SLC12A5: variants seen among roughly 807,000 people sequenced by gnomAD.
SLC12A5 encodes the protein solute carrier family 12 member 5, also known as K-Cl cotransporter 2.
A neutral mutation model predicts 124.0 loss-of-function variants in SLC12A5; 18 were observed. The observed-to-expected ratio is 0.15, with a 90% CI of 0.10 to 0.22. The LOEUF is 0.22. Among genes scored for constraint, SLC12A5 ranks in the 10% least tolerant of loss-of-function variants. The probability of loss-of-function intolerance (pLI) is 1.00; values close to 1 mark genes in which losing one functional copy is unlikely to be tolerated. For synonymous variants in SLC12A5, 589 were observed against 568.0 expected, an observed-to-expected ratio of 1.04 and a Z score of -0.53; for missense variants, 867 against 1,478.7, an observed-to-expected ratio of 0.59 and a Z score of 6.78.
chr20:46,036,996 C>G (rs6094242), intron 5 of SLC12A5, among the ~76,000 whole-genome samples: 3 of 151,910 alleles, frequency 2.0e-5, no homozygotes, highest in Non-Finnish European at 4.4e-5. Context: ...CCAACTCATC[C>G]TGAGACCCTC....
In SLC12A5 at chr20:46,035,943, T is replaced by C. The variant is rs2084494652; in HGVS notation, c.426+20T>C. 1.3e-6 allele frequency: 2 copies of C among 1,595,258 alleles called. No individual in the cohort carries two copies. Among genetic ancestry groups the C allele is most frequent in the Non-Finnish European group, 1.7e-6 (2 of 1,166,240 alleles). On this transcript the variant is annotated intron_variant, in intron 4 of 25. Transcript: ENST00000243964. ...TCCTGTGTGAGTGACACCCCTCCCC[T>C]CACCACCCCCTGACAGCTGGGGCTT...
In SLC12A5 at chr20:46,051,943, G is replaced by A. The variant is rs774099125; in HGVS notation, c.2377+73G>A. On this transcript the variant is annotated intron_variant, in intron 18 of 25. Transcript: ENST00000243964. ...TGTAGAGGGGTGGAACTGGATTTCC[G>A]CTCCTTTGGGCCTGAGGGGTTTCCC... is the stretch of plus-strand genomic sequence containing the variant. The A allele has an allele frequency of 1.6e-4, 203 of 1,268,844 alleles. No homozygotes were observed. The Middle Eastern group carries it at 2.3e-3, about 14-fold the overall frequency. The allele number at this position is 1,268,844 out of a possible 1,614,324, so 78.6% of individuals were successfully genotyped here. A position where few individuals can be genotyped will look rare whatever the true frequency, so the allele number is the denominator to read the frequency against.
intron 6 of SLC12A5, among the ~76,000 whole-genome samples, chr20:46,040,005 C>A (rs547717326): frequency 6.6e-5 from 10 of 152,198 alleles, no homozygotes; most frequent in African/African-American, 2.2e-4. Context: ...TTGCTTCCAG[C>A]ATCCTTGCAA....
Position 46,041,550 on chromosome 20 carries a change from G to C in SLC12A5, c.1066+10G>C. Reference sequence around the variant, plus strand: ...AGTGGCCTCATCAAAGGTCTGCGGAGGGACAAGGGCTGGCATCCAGGGAAC... The same window carrying C: ...AGTGGCCTCATCAAAGGTCTGCGGACGGACAAGGGCTGGCATCCAGGGAAC... On this transcript the variant is annotated intron_variant, in intron 8 of 25. Coordinates refer to ENST00000243964, the MANE Select transcript of SLC12A5 (RefSeq NM_020708.5). 6.2e-7 allele frequency: 1 copy of C among 1,613,320 alleles called. No individual in the cohort carries two copies. The highest frequency in any genetic ancestry group is 8.5e-7 in the Non-Finnish European group (1 of 1,179,836).
rs1023582223 is a variant in SLC12A5 at position 46,057,487 on chromosome 20, G to A, written c.3260-27G>A. The A allele has an allele frequency of 5.6e-6, 9 of 1,612,356 alleles. No individual in the cohort carries two copies. The highest frequency in any genetic ancestry group is 1.3e-5 in the African/African-American group (1 of 74,890). On this transcript the variant is annotated intron_variant, in intron 25 of 25. Coordinates refer to ENST00000243964, the MANE Select transcript of SLC12A5 (RefSeq NM_020708.5). The surrounding 1 kb of genome is among the most constrained non-coding windows in gnomAD (Gnocchi z 7.1). The stretch of plus-strand genomic sequence containing the variant: ...AATTTCGTCGGGAGGGAAGGAGACC[G>A]GGTCTTTCTCCTTGACCGGCTCTCA...
chr20:46,035,313 T>A (rs1255452899), intron 2 of SLC12A5, 91 bp from the exon 3 acceptor site: 1 of 1,498,390 alleles, frequency 6.7e-7, no homozygotes, highest in Non-Finnish European at 9.1e-7. Flanking sequence ...AGTTTCGTGC[T>A]CCTTGTCCCC....
At chr20:46,051,893 A>C in intron 18 of SLC12A5, 23 bp downstream of exon 18, 1 of 1,300,730 alleles carries the variant, frequency 7.7e-7, no homozygotes, top group Non-Finnish European at 1.0e-6. Flanking sequence ...GGGGCTGGGG[A>C]CAGAAGAGGG....
In SLC12A5 at chr20:46,047,513, A is replaced by T. The variant is rs752901926; in HGVS notation, c.1847A>T (p.Tyr616Phe). ...CLALMFICSW[Y>F]YALVAMLIAG... ...GCCCTCATGTTCATCTGCTCCTGGTATTATGCACTGGTAGCCATGCTCATT... is the reference window on the plus strand; with the variant it reads ...GCCCTCATGTTCATCTGCTCCTGGTTTTATGCACTGGTAGCCATGCTCATT... Residue 616 changes from tyrosine (Y) to phenylalanine (F), a missense_variant, in exon 15 of 26, where the codon TAT (tyrosine) becomes TTT (phenylalanine). Physicochemically the swap from Tyr to Phe is conservative, Grantham distance 22 (BLOSUM62 3). Coordinates refer to ENST00000243964, the MANE Select transcript of SLC12A5 (RefSeq NM_020708.5). 2.6e-5 allele frequency: 42 copies of T among 1,613,846 alleles called. No homozygotes were observed. The highest frequency in any genetic ancestry group is 1.7e-6 in the Non-Finnish European group (2 of 1,179,948).
Position 46,046,427 on chromosome 20 carries a change from A to T in SLC12A5, c.1778A>T (p.Tyr593Phe), listed in dbSNP as rs776767470. 1.2e-5 allele frequency: 19 copies of T among 1,613,838 alleles called. No individual in the cohort carries two copies. The highest frequency in any genetic ancestry group is 1.5e-5 in the Non-Finnish European group (18 of 1,179,970). Residue 593 changes from tyrosine to phenylalanine, a missense_variant, in exon 14 of 26, where the codon TAT (tyrosine) becomes TTT (phenylalanine). Transcript: ENST00000243964. ...RTPNWRPRFR[Y>F]YHWTLSFLGM... ...CCCAACTGGAGGCCACGCTTTCGAT[A>T]TTACCACTGGTGGGTGCTCTGTCCC... is the stretch of plus-strand genomic sequence containing the variant.
rs199934904 is a variant in SLC12A5, at chr20:46,056,202, C to G, written c.2840C>G (p.Ala947Gly). 162 of 1,614,180 alleles carry G rather than the reference C, an allele frequency of 1.0e-4. No individual in the cohort carries two copies. Among genetic ancestry groups the G allele is most frequent in the Non-Finnish European group, 5.3e-5 (62 of 1,180,020 alleles). Residue 947 changes from alanine (A) to glycine (G), a missense_variant, in exon 22 of 26, where the codon GCC becomes GGC. Physicochemically the swap from Ala to Gly is moderately conservative, Grantham distance 60. Coordinates refer to ENST00000243964, the MANE Select transcript of SLC12A5 (RefSeq NM_020708.5). The surrounding 1 kb of genome is among the most constrained non-coding windows in gnomAD (Gnocchi z 4.3). ...SRGSIRRKNP[A>G]NTRLRLNVPE... ...GGCTCAATCCGGAGAAAGAATCCAGCCAACACGCGGCTCCGCCTGAACGTC... is the reference window on the plus strand; with the variant it reads ...GGCTCAATCCGGAGAAAGAATCCAGGCAACACGCGGCTCCGCCTGAACGTC...
Position 46,057,861 on chromosome 20 carries a change from G to A in SLC12A5, c.*256G>A. On this transcript the variant is annotated 3_prime_UTR_variant, in exon 26 of 26. Transcript: ENST00000243964. The surrounding 1 kb of genome is among the most constrained non-coding windows in gnomAD (Gnocchi z 7.1). ...CTGCCCTTTTTCTAAGCCCGGCCTC[G>A]TCTCGCCGGAGGAGACGCTGCAATA... The A allele has an allele frequency of 2.3e-6, 1 of 443,058 alleles. No homozygotes were observed. Among genetic ancestry groups the A allele is most frequent in the Non-Finnish European group, 4.0e-6 (1 of 251,682 alleles). 27.4% of individuals were successfully genotyped at this position (443,058 alleles called of 1,614,324 possible). A position where few individuals can be genotyped will look rare whatever the true frequency, so the allele number is the denominator to read the frequency against.
At chr20:46,035,322 C>T in intron 2 of SLC12A5, 82 bp from the exon 3 acceptor site, 5 of 1,528,506 alleles carry the variant, frequency 3.3e-6, no homozygotes, top group Non-Finnish European at 4.4e-6. Flanking sequence ...CTCCTTGTCC[C>T]CATCTCTTCC....
Position 46,043,739 on chromosome 20 carries a change from G to A in SLC12A5, c.1336+8G>A. ...CCACCACCTCTGCTGTCTGTATCCT[G>A]CACAGCTGTGCTGGGACCACCCTCG... is the stretch of plus-strand genomic sequence containing the variant. On this transcript the variant is annotated splice_region_variant and intron_variant, in intron 10 of 25. Transcript: ENST00000243964. 2 of 1,614,134 alleles carry A rather than the reference G, an allele frequency of 1.2e-6. No homozygotes were observed. Among genetic ancestry groups the A allele is most frequent in the Non-Finnish European group, 1.7e-6 (2 of 1,180,000 alleles).
In SLC12A5 at chr20:46,053,833, C is replaced by A; in HGVS notation, c.2679+124C>A. The A allele has an allele frequency of 9.1e-7, 1 of 1,098,114 alleles. No individual in the cohort carries two copies. The highest frequency in any genetic ancestry group is 1.3e-6 in the Non-Finnish European group (1 of 794,866). The allele number at this position is 1,098,114 out of a possible 1,614,324, so 68.0% of individuals were successfully genotyped here. On this transcript the variant is annotated intron_variant, in intron 20 of 25. Transcript: ENST00000243964. This position sits in a 1 kb window ranked among gnomAD's most constrained non-coding sequence, Gnocchi z 4.7. ...GCTGGATCCTTTCCCCCTCATCCATCTCTTAGCCTCTCACATATTCAGCCA... is the reference window on the plus strand; with the variant it reads ...GCTGGATCCTTTCCCCCTCATCCATATCTTAGCCTCTCACATATTCAGCCA...
In SLC12A5 at chr20:46,041,502, T is replaced by C. The variant is rs1269112718; in HGVS notation, c.1028T>C (p.Ile343Thr). The stretch of plus-strand genomic sequence containing the variant: ...TTCACCCGAAACAATGTCACAGAGA[T>C]CCAGGGCATCCCTGGTGCTGCCAGT... ...EYFTRNNVTE[I>T]QGIPGAASGL... Residue 343 changes from isoleucine (I) to threonine (T), a missense_variant, in exon 8 of 26, where the codon ATC becomes ACC. Physicochemically the swap from Ile to Thr is moderately conservative, Grantham distance 89. This residue lies in a region of SLC12A5 where 127 missense variants were observed against 164.1 expected (regional missense o/e 0.77). Transcript: ENST00000243964. 1 of 1,613,992 alleles carries C rather than the reference T, an allele frequency of 6.2e-7. No homozygotes were observed. Among genetic ancestry groups the C allele is most frequent in the East Asian group, 2.2e-5 (1 of 44,894 alleles).
chr20:46,025,664 A>C (rs2084391296), upstream of SLC12A5, among the ~76,000 whole-genome samples: 1 of 152,150 alleles, frequency 6.6e-6, no homozygotes, highest in South Asian at 2.1e-4. Context: ...ATGGGGCTGC[A>C]GCCTGTTAAT....
intron 6 of SLC12A5, 104 bp downstream of exon 6, chr20:46,037,489 A>T: frequency 7.5e-7 from 1 of 1,340,726 alleles, no homozygotes; most frequent in Non-Finnish European, 9.8e-7. Context: ...GAGGCCAAAA[A>T]TGTGGTTCAG....
At chr20:46,051,085 C>T (rs2084642369) in intron 17 of SLC12A5, among the ~76,000 whole-genome samples, 2 of 152,068 alleles carry the variant, frequency 1.3e-5, no homozygotes, top group African/African-American at 4.8e-5. Context: ...AGTCAGACTT[C>T]CCTGACTTGA....
chr20:46,023,442 C>A, exon 3 of SLC12A5: 2 of 398,938 alleles, frequency 5.0e-6, no homozygotes, highest in Non-Finnish European at 8.8e-6. Context: ...ATCGGTCCCC[C>A]CTCTGTCATC....
Sources: gnomAD v4.1 joint callset for allele counts (sites outside exome capture counted in the v4.1 genomes callset) on GRCh38, gnomAD v4.1.1 for gene constraint, gnomAD v4.1.1 regional missense constraint, Gnocchi (gnomAD v3.1) non-coding constraint, MANE v1.5 for transcripts, NCBI Gene and HGNC (gene_info 2026-07-23, HGNC 2026-07-21) for gene names.